The following SCRIB variants were observed in gnomAD, a reference collection of about 807,000 sequenced individuals.
SCRIB encodes the protein scribble planar cell polarity protein.
A neutral mutation model predicts 170.0 loss-of-function variants in SCRIB; 72 were observed. The ratio of observed to expected loss-of-function variants is 0.42; its 90% CI spans 0.35 to 0.52. The LOEUF is 0.52. Ranked by LOEUF, SCRIB falls within the 20% of genes least tolerant of loss-of-function variation. SCRIB has a pLI of 0.02. For missense variants in SCRIB, 2,475 were observed against 2,338.5 expected (o/e 1.06, Z -1.20); for synonymous variants, 1,298 against 1,044.3 (o/e 1.24, Z -4.68).
rs368679884 is a variant in SCRIB at position 143,804,169 on chromosome 8, G to T, written c.3010-13C>A. ...GCAGACGGATCTCCTGGGGATTTAG[G>T]GCGGGACAAGGACAGGCCTCGGTCA... On this transcript the variant is annotated splice_polypyrimidine_tract_variant and intron_variant, in intron 21 of 36. Coordinates refer to ENST00000356994, the MANE Select transcript of SCRIB (RefSeq NM_182706.5). 68 of 1,585,152 alleles carry T rather than the reference G, an allele frequency of 4.3e-5. No individual in the cohort carries two copies. The highest frequency in any genetic ancestry group is 5.6e-5 in the Non-Finnish European group (65 of 1,159,172).
chr8:143,801,979 C>G (rs1343374275), intron 24 of SCRIB, among the ~76,000 whole-genome samples: 3 of 152,246 alleles, frequency 2.0e-5, no homozygotes, highest in African/African-American at 7.2e-5. Context: ...AGACATGGCA[C>G]TAGCCCTGCC....
intron 9 of SCRIB, among the ~76,000 whole-genome samples, 187 bp downstream of exon 9, chr8:143,812,079 C>T (rs1008448943): frequency 6.6e-5 from 10 of 152,214 alleles, no homozygotes; most frequent in African/African-American, 9.7e-5. Context: ...GGCCCCTGCC[C>T]TGGCCTCACT....
chr8:143,808,756 C>T lies in SCRIB; in HGVS notation c.1968G>A (p.Arg656=), dbSNP rs1325350312. 2 of 1,607,224 alleles carry T rather than the reference C, an allele frequency of 1.2e-6. No homozygotes were observed. Among genetic ancestry groups the T allele is most frequent in the African/African-American group, 1.3e-5 (1 of 74,814 alleles). ...HNGPHAPWAP[R]AQKEEEEEEE... is the part of the protein sequence containing the mutation. ...CCTCCTCCTCCTCCTCCTTCTGGGCCCGAGGAGCCCAGGGTGCGTGGGGGC... is the reference window on the plus strand; with the variant it reads ...CCTCCTCCTCCTCCTCCTTCTGGGCTCGAGGAGCCCAGGGTGCGTGGGGGC... The change falls in exon 15 of 37, where the codon CGG becomes CGA. Residue 656 remains arginine (R), a synonymous_variant. Coordinates refer to ENST00000356994, the MANE Select transcript of SCRIB (RefSeq NM_182706.5).
chr8:143,803,240 C>T (rs1357528395), intron 24 of SCRIB, 143 bp downstream of exon 24: 9 of 794,304 alleles, frequency 1.1e-5, no homozygotes, highest in African/African-American at 3.5e-5. Flanking sequence ...CTCCCCAGCC[C>T]GCACGGCTGA....
chr8:143,793,921 G>A lies in SCRIB; in HGVS notation c.3888C>T (p.Pro1296=). ...GAAGGKMAES[P]CSPSGQQPPS... is the part of the protein sequence containing the mutation. ...TCACCTGCTGGCCACTAGGGGAGCA[G>A]GGAGATTCAGCCATCTTCCCTCCAG... The change falls in exon 28 of 37, where the codon CCC becomes CCT. Residue 1296 remains proline, a synonymous_variant. Transcript: ENST00000356994. The A allele has an allele frequency of 6.2e-7, 1 of 1,613,564 alleles. No homozygotes were observed. The highest frequency in any genetic ancestry group is 8.5e-7 in the Non-Finnish European group (1 of 1,179,722).
At chr8:143,791,791 G>T in intron 34 of SCRIB, 51 bp from the exon 35 acceptor site, 1 of 1,283,328 alleles carries the variant, frequency 7.8e-7, no homozygotes, top group South Asian at 1.2e-5. Context: ...GAAAGGGGGG[G>T]ATGAGGGCCA....
chr8:143,804,893 G>A, intron 20 of SCRIB, 41 bp downstream of exon 20: 1 of 1,526,632 alleles, frequency 6.6e-7, no homozygotes, highest in Non-Finnish European at 8.8e-7. Flanking sequence ...GGGCGGGGCA[G>A]GGGGGATGGG....
rs749679918 is a variant in SCRIB, at chr8:143,813,084, C to T, written c.588G>A (p.Leu196=). 1 of 1,579,068 alleles carries T rather than the reference C, an allele frequency of 6.3e-7. No individual in the cohort carries two copies. Among genetic ancestry groups the T allele is most frequent in the Non-Finnish European group, 8.6e-7 (1 of 1,161,056 alleles). ...LEVLPDTLGA[L]PNLRELWLDR... The stretch of plus-strand genomic sequence containing the variant: ...CAAGCCACAGCTCCCGAAGATTGGG[C>T]AGAGCCCCCAGAGTGTCTGGCTGCA... Residue 196 remains leucine (L), a synonymous_variant, in exon 7 of 37, where the codon CTG becomes CTA. Coordinates refer to ENST00000356994, the MANE Select transcript of SCRIB (RefSeq NM_182706.5).
At chr8:143,798,568 G>A (rs1815043121) in intron 24 of SCRIB, among the ~76,000 whole-genome samples, 1 of 152,178 alleles carries the variant, frequency 6.6e-6, no homozygotes, top group Admixed American at 6.5e-5. Context: ...CTGAATACCT[G>A]CGACTACAGG....
Position 143,792,962 on chromosome 8 carries a change from C to T in SCRIB, c.4017+14G>A. On this transcript the variant is annotated intron_variant, in intron 29 of 36. Transcript: ENST00000356994. ...CAACCACGCGCAGCAGGGAGGCGTG[C>T]TGCCCCCACACACCTGGGCAGGGGC... 1 of 1,500,634 alleles carries T rather than the reference C, an allele frequency of 6.7e-7. No homozygotes were observed. 93.0% of individuals were successfully genotyped at this position (1,500,634 alleles called of 1,614,324 possible).
chr8:143,797,173 G>A (rs1422417693), intron 24 of SCRIB, among the ~76,000 whole-genome samples: 1 of 152,254 alleles, frequency 6.6e-6, no homozygotes, highest in Non-Finnish European at 1.5e-5. Context: ...TGAGAGAGGG[G>A]AGGTCGTGTC....
chr8:143,805,279 T>C lies in SCRIB; in HGVS notation c.2503A>G (p.Ser835Gly). 6.4e-7 allele frequency: 1 copy of C among 1,554,930 alleles called. No individual in the cohort carries two copies. Among genetic ancestry groups the C allele is most frequent in the Non-Finnish European group, 8.6e-7 (1 of 1,156,470 alleles). ...ITPLRPEDDY[S>G]PRERRGGGLR... ...CCCCCTCCCCGCCGCTCTCGGGGGCTGTAATCATCCTCGGGCCGCAGCGGC... is the reference window on the plus strand; with the variant it reads ...CCCCCTCCCCGCCGCTCTCGGGGGCCGTAATCATCCTCGGGCCGCAGCGGC... Residue 835 changes from serine (S) to glycine (G), a missense_variant, in exon 19 of 37, where the codon AGC (serine) becomes GGC (glycine). Ser to Gly is a moderately conservative substitution (Grantham distance 56). Coordinates refer to ENST00000356994, the MANE Select transcript of SCRIB (RefSeq NM_182706.5).
chr8:143,799,780 GCT>G (rs1457180643), intron 24 of SCRIB, among the ~76,000 whole-genome samples: 1 of 144,280 alleles, frequency 6.9e-6, no homozygotes, highest in Non-Finnish European at 1.5e-5. Flanking sequence ...GGAGACGTAG[GCT>G]CTGACAGACA....
At position 143,807,120 on chromosome 8, in the gene SCRIB, G is replaced by A. The variant is rs188808375; in HGVS notation, c.2179-107C>T. 704 of 836,044 alleles carry A rather than the reference G, an allele frequency of 8.4e-4. 5 individuals are homozygous for A. The East Asian group carries it at 0.017, about 21-fold the overall frequency. The allele number at this position is 836,044 out of a possible 1,614,324, so 51.8% of individuals were successfully genotyped here. A position where few individuals can be genotyped will look rare whatever the true frequency, so the allele number is the denominator to read the frequency against. The stretch of plus-strand genomic sequence containing the variant: ...AGATGCCATTTCTGGCTTTTCTCTA[G>A]GCAGCTGAATGGGGCCTCATGCCAC... On this transcript the variant is annotated intron_variant, in intron 16 of 36. Coordinates refer to ENST00000356994, the MANE Select transcript of SCRIB (RefSeq NM_182706.5).
At chr8:143,809,140 G>A (rs1364105311) in intron 14 of SCRIB, 115 bp from the exon 15 acceptor site, 2 of 1,355,556 alleles carry the variant, frequency 1.5e-6, no homozygotes, top group Non-Finnish European at 2.0e-6. Flanking sequence ...GCCACACAAA[G>A]ACTCAGCACT....
intron 24 of SCRIB, among the ~76,000 whole-genome samples, chr8:143,802,225 C>T (rs61601762): frequency 0.064 from 9,696 of 152,328 alleles, 397 homozygotes; most frequent in Non-Finnish European, 0.088. Context: ...GGCCCGGGGC[C>T]AACCCCAAGC....
In SCRIB at chr8:143,808,800, G is replaced by A; in HGVS notation, c.1924C>T (p.Pro642Ser). The A allele has an allele frequency of 6.2e-7, 1 of 1,611,662 alleles. No individual in the cohort carries two copies. ...TGGGGGCCATTGTGCCAGCCCCCGGGAGCCACAGGGCCCTCCCCATCAGGC... is the reference window on the plus strand; with the variant it reads ...TGGGGGCCATTGTGCCAGCCCCCGGAAGCCACAGGGCCCTCCCCATCAGGC... Reference protein sequence around the residue: ...MQPDGEGPVAPGGWHNGPHAP... With the variant: ...MQPDGEGPVASGGWHNGPHAP... The change falls in exon 15 of 37, where the codon CCC (proline) becomes TCC (serine). Residue 642 changes from proline to serine, a missense_variant. Coordinates refer to ENST00000356994, the MANE Select transcript of SCRIB (RefSeq NM_182706.5).
chr8:143,793,394 T>A, intron 28 of SCRIB: 2 of 276,564 alleles, frequency 7.2e-6, no homozygotes. Context: ...ATCAGGGGTT[T>A]AAGGCAAGGG....
intron 24 of SCRIB, among the ~76,000 whole-genome samples, chr8:143,798,235 A>G (rs781863073): frequency 6.6e-6 from 1 of 152,146 alleles, no homozygotes; most frequent in African/African-American, 2.4e-5. Context: ...CAGCTTGGGA[A>G]ACAGAGTGAG....
Sources: gnomAD v4.1 joint callset for allele counts (sites outside exome capture counted in the v4.1 genomes callset) on GRCh38, gnomAD v4.1.1 for gene constraint, MANE v1.5 for transcripts, NCBI Gene and HGNC (gene_info 2026-07-23, HGNC 2026-07-21) for gene names.